RBFOX1: variants seen among roughly 807,000 people sequenced by gnomAD.
RBFOX1 encodes the protein RNA binding protein fox-1 homolog 1.
Under a neutral mutation model 57.7 loss-of-function variants are expected in RBFOX1, and 8 were observed. The ratio of observed to expected loss-of-function variants is 0.14; its 90% CI spans 0.08 to 0.25. The LOEUF (loss-of-function observed/expected upper bound fraction) is 0.25, where lower values mean the gene tolerates loss of function less well. Among genes scored for constraint, RBFOX1 ranks in the 10% least tolerant of loss-of-function variants. RBFOX1 has a pLI of 1.00. For synonymous variants in RBFOX1, 326 were observed against 222.4 expected, an observed-to-expected ratio of 1.47 and a Z score of -4.15; for missense variants, 611 against 548.5, an observed-to-expected ratio of 1.11 and a Z score of -1.14.
At chr16:7,023,293 T>G (rs1013043215) in intron 3 of RBFOX1, among the ~76,000 whole-genome samples, 1 of 151,744 alleles carries the variant, frequency 6.6e-6, no homozygotes, top group Non-Finnish European at 1.5e-5. Context: ...ACCGCATCTC[T>G]ACTAAAAATA....
chr16:5,491,937 G>C (rs1273834641), intron 2 of RBFOX1, among the ~76,000 whole-genome samples: 5 of 152,204 alleles, frequency 3.3e-5, no homozygotes, highest in Non-Finnish European at 7.3e-5. Context: ...AGTTGGTCTG[G>C]GGTGGGGCCC....
At chr16:6,082,936 G>A (rs1485193391) in intron 1 of RBFOX1, among the ~76,000 whole-genome samples, 1 of 152,128 alleles carries the variant, frequency 6.6e-6, no homozygotes, top group Admixed American at 6.5e-5. Flanking sequence ...CCCAATCACT[G>A]CTCTCAAGAG....
At chr16:5,476,341 C>G (rs2069323336) in intron 2 of RBFOX1, among the ~76,000 whole-genome samples, 1 of 152,160 alleles carries the variant, frequency 6.6e-6, no homozygotes, top group South Asian at 2.1e-4. Flanking sequence ...TGAGACCAGA[C>G]ATTTCTTATA....
intron 4 of RBFOX1, among the ~76,000 whole-genome samples, chr16:7,279,835 C>G (rs1402547298): frequency 6.6e-6 from 1 of 152,210 alleles, no homozygotes; most frequent in Non-Finnish European, 1.5e-5. Flanking sequence ...GCCAAGCTTT[C>G]TATCCCTAAA....
At position 6,217,142 on chromosome 16, in the gene RBFOX1, G is replaced by A. The variant is rs569831335; in HGVS notation, c.-126-99853G>A. Among the ~76,000 whole-genome samples, 2 of 149,388 alleles carry A rather than the reference G, an allele frequency of 1.3e-5. 1 individual carries two copies. The highest frequency in any genetic ancestry group is 4.3e-4 in the South Asian group (2 of 4,688). ...CAGTCATAGTCACCTCTGTGTATGA[G>A]GGTAGCCTCGTGTCTATTCATTTAG... On this transcript the variant is annotated intron_variant, in intron 1 of 15. Transcript: ENST00000550418.
At chr16:7,618,920 G>A (rs2058879800) in intron 10 of RBFOX1, among the ~76,000 whole-genome samples, 1 of 152,182 alleles carries the variant, frequency 6.6e-6, no homozygotes. Context: ...AATAAAGCCA[G>A]TGGAAAATGG....
intron 1 of RBFOX1, among the ~76,000 whole-genome samples, chr16:6,202,811 A>T (rs905907584): frequency 3.9e-5 from 6 of 152,064 alleles, no homozygotes; most frequent in Admixed American, 3.3e-4. Context: ...TTTCTGAGAC[A>T]GGATCTCATT....
intron 3 of RBFOX1, among the ~76,000 whole-genome samples, chr16:5,856,429 A>G (rs1310784066): frequency 7.2e-6 from 1 of 138,336 alleles, no homozygotes; most frequent in Non-Finnish European, 1.5e-5. Context: ...ATAGCACAGT[A>G]TTGTTCATTG....
intron 4 of RBFOX1, among the ~76,000 whole-genome samples, chr16:7,245,201 T>A (rs928979131): frequency 6.6e-6 from 1 of 152,190 alleles, no homozygotes; most frequent in African/African-American, 2.4e-5. Context: ...ATAATAAATA[T>A]CTTATATTTC....
rs1567394655 is a variant in RBFOX1, at chr16:5,684,921, G to GTT, written c.318+85961_318+85962insTT. The stretch of plus-strand genomic sequence containing the variant: ...TCCAGGCATCAGGGAGCTCTCCAGC[G>GTT]TATGAGACACAGTTTATATTATCTC... On this transcript the variant is annotated intron_variant, in intron 3 of 19. Coordinates refer to the RBFOX1 transcript ENST00000641259. Among the ~76,000 whole-genome samples the GTT allele has an allele frequency of 2.6e-5, 4 of 152,240 alleles. No individual in the cohort carries two copies. The East Asian group carries it at 7.8e-4, about 30-fold the overall frequency.
chr16:6,942,119 A>G (rs1475475755), intron 3 of RBFOX1, among the ~76,000 whole-genome samples: 2 of 152,104 alleles, frequency 1.3e-5, no homozygotes, highest in African/African-American at 4.8e-5. Context: ...CACACCTGTA[A>G]TCCCAGCTAC....
intron 4 of RBFOX1, chr16:7,332,680 C>T: frequency 1.2e-6 from 1 of 803,232 alleles, no homozygotes; most frequent in African/African-American, 1.8e-5. Context: ...CTGTCTCTCT[C>T]TCTCTCTGAG....
At chr16:6,550,192 C>T (rs1007868983) in intron 2 of RBFOX1, among the ~76,000 whole-genome samples, 4 of 151,696 alleles carry the variant, frequency 2.6e-5, no homozygotes, top group East Asian at 1.9e-4. Context: ...TGGGGGTTGG[C>T]GGGGGGACAG....
intron 1 of RBFOX1, among the ~76,000 whole-genome samples, chr16:5,370,462 CTTTTTT>C (rs34715441): frequency 7.1e-6 from 1 of 141,196 alleles, no homozygotes; most frequent in Non-Finnish European, 1.5e-5. Context: ...GCCTCCTCCT[CTTTTTT>C]TTTTTTTTGG....
At chr16:7,180,957 C>G (rs1555538697) in intron 4 of RBFOX1, among the ~76,000 whole-genome samples, 1 of 152,198 alleles carries the variant, frequency 6.6e-6, no homozygotes, top group Admixed American at 6.5e-5. Flanking sequence ...CACAACTACT[C>G]AGCTTTGCAG....
chr16:5,523,372 T>C (rs2044101681), intron 2 of RBFOX1, among the ~76,000 whole-genome samples: 1 of 152,130 alleles, frequency 6.6e-6, no homozygotes, highest in African/African-American at 2.4e-5. Context: ...TCCCACACTT[T>C]GGGAGGCTGA....
intron 3 of RBFOX1, among the ~76,000 whole-genome samples, chr16:5,821,528 C>G (rs935940703): frequency 3.9e-5 from 6 of 152,008 alleles, no homozygotes; most frequent in Admixed American, 6.6e-5. Context: ...GTGTCCAGCT[C>G]CTGGGATCAA....
At chr16:5,381,716 G>T (rs534938945) in intron 1 of RBFOX1, among the ~76,000 whole-genome samples, 1 of 152,346 alleles carries the variant, frequency 6.6e-6, no homozygotes, top group African/African-American at 2.4e-5. Context: ...TTGAATGGAA[G>T]TGATGATGGT....
chr16:6,959,969 C>G (rs190779061), intron 3 of RBFOX1, among the ~76,000 whole-genome samples: 1 of 152,048 alleles, frequency 6.6e-6, no homozygotes. Context: ...GCCAAGAAAG[C>G]CAGTGCCCTT....
Sources: gnomAD v4.1 joint callset for allele counts (sites outside exome capture counted in the v4.1 genomes callset) on GRCh38, gnomAD v4.1.1 for gene constraint, MANE v1.5 for transcripts, NCBI Gene and HGNC (gene_info 2026-07-23, HGNC 2026-07-21) for gene names.